Variants in DYM observed in about 807,000 individuals in gnomAD.
DYM encodes dymeclin.
A neutral mutation model predicts 93.1 loss-of-function variants in DYM; 78 were observed. The ratio of observed to expected loss-of-function variants is 0.84; its 90% CI spans 0.70 to 1.01. The LOEUF is 1.01. Among genes scored for constraint, DYM ranks in the 50% least tolerant of loss-of-function variants. The pLI is 0.00. For missense variants in DYM, 789 were observed against 845.0 expected, an observed-to-expected ratio of 0.93 and a Z score of 0.82; for synonymous variants, 321 against 319.7, an observed-to-expected ratio of 1.00 and a Z score of -0.04.
At chr18:49,391,760 G>T in intron 2 of DYM, 115 bp from the exon 3 acceptor site, 1 of 859,908 alleles carries the variant, frequency 1.2e-6, no homozygotes, top group Non-Finnish European at 1.8e-6. Context: ...AAAATATGGT[G>T]CACAGTAGTG....
chr18:49,069,793 A>G (rs993183666), intron 17 of DYM, among the ~76,000 whole-genome samples: 7 of 152,224 alleles, frequency 4.6e-5, no homozygotes, highest in Admixed American at 3.9e-4. Context: ...CTGTAATCCC[A>G]GCACTTTGGG....
intron 16 of DYM, 184 bp downstream of exon 16, chr18:49,118,560 G>GT (rs1343293900): frequency 4.9e-6 from 3 of 607,302 alleles, no homozygotes; most frequent in Non-Finnish European, 5.8e-6. Flanking sequence ...TATTAAATAT[G>GT]TATGTGTGTG....
rs139191287 is a variant in DYM at position 49,147,891 on chromosome 18, C to T, written c.1728+15794G>A. ...ACATGCTGCTATAAAGACACATGCA[C>T]GTGTATGTTTATTGCGGCACTATTC... On this transcript the variant is annotated intron_variant, in intron 15 of 17. Coordinates refer to ENST00000675505, the MANE Select transcript of DYM (RefSeq NM_001353214.3). Among the ~76,000 whole-genome samples the T allele has an allele frequency of 3.0e-3, 461 of 152,252 alleles. 3 individuals are homozygous for T. Among genetic ancestry groups the T allele is most frequent in the African/African-American group, 0.01 (423 of 41,522 alleles).
At chr18:49,158,653 G>C (rs1366629152) in intron 15 of DYM, among the ~76,000 whole-genome samples, 1 of 152,066 alleles carries the variant, frequency 6.6e-6, no homozygotes, top group Non-Finnish European at 1.5e-5. Context: ...GAGTTCAGTT[G>C]TATTAATTTT....
At chr18:49,402,764 C>T (rs1386224023) in intron 2 of DYM, among the ~76,000 whole-genome samples, 1 of 152,172 alleles carries the variant, frequency 6.6e-6, no homozygotes, top group African/African-American at 2.4e-5. Flanking sequence ...TCAGTTTAAC[C>T]ACTGCCATCA....
At chr18:49,107,702 C>T (rs1020313101) in intron 16 of DYM, among the ~76,000 whole-genome samples, 22 of 152,164 alleles carry the variant, frequency 1.4e-4, no homozygotes, top group Non-Finnish European at 2.4e-4. Context: ...GTATCAGCAG[C>T]GGAGGCTACA....
intron 1 of DYM, among the ~76,000 whole-genome samples, chr18:49,447,803 C>G (rs1188800060): frequency 6.6e-6 from 1 of 152,148 alleles, no homozygotes; most frequent in Non-Finnish European, 1.5e-5. Flanking sequence ...GGGAAGTAGT[C>G]TTGTTTGGTA....
At chr18:49,371,519 C>G (rs895981359) in intron 5 of DYM, among the ~76,000 whole-genome samples, 3 of 152,034 alleles carry the variant, frequency 2.0e-5, no homozygotes, top group African/African-American at 7.3e-5. Context: ...CACAAGGAAA[C>G]AAGCCATGAG....
intron 17 of DYM, among the ~76,000 whole-genome samples, chr18:49,067,958 G>A (rs893061904): frequency 2.0e-5 from 3 of 152,012 alleles, no homozygotes; most frequent in East Asian, 1.9e-4. Flanking sequence ...TTGCAAAGGC[G>A]TTTCATTAGT....
At chr18:49,285,812 A>T (rs2095109253) in intron 9 of DYM, among the ~76,000 whole-genome samples, 1 of 152,240 alleles carries the variant, frequency 6.6e-6, no homozygotes. Context: ...ACATGAAGCC[A>T]TATGCTCACC....
intron 17 of DYM, among the ~76,000 whole-genome samples, chr18:49,090,009 G>C (rs1429060492): frequency 6.6e-6 from 1 of 152,188 alleles, no homozygotes; most frequent in Non-Finnish European, 1.5e-5. Flanking sequence ...GCAAATGTGT[G>C]TGTGTGTGCA....
At chr18:49,413,456 T>C (rs1019344232) in intron 2 of DYM, among the ~76,000 whole-genome samples, 1 of 149,258 alleles carries the variant, frequency 6.7e-6, no homozygotes, top group Non-Finnish European at 1.5e-5. Flanking sequence ...AATTATATTA[T>C]CATTATATCA....
chr18:49,040,769 A>G lies in DYM; in HGVS notation c.*3286T>C, dbSNP rs2070880949. On this transcript the variant is annotated 3_prime_UTR_variant, in exon 18 of 18. Transcript: ENST00000675505. Reference sequence around the variant, plus strand: ...CCAAAAATTTATGGCTCTGCAAAAAAGCACAGGGTGACTCAATTATGCAGA... The same window carrying G: ...CCAAAAATTTATGGCTCTGCAAAAAGGCACAGGGTGACTCAATTATGCAGA... 6.6e-6 allele frequency among the ~76,000 whole-genome samples: 1 copy of G among 152,244 alleles called. No homozygotes were observed. Among genetic ancestry groups the G allele is most frequent in the Non-Finnish European group, 1.5e-5 (1 of 68,048 alleles).
At chr18:49,292,610 A>ACAAAACAAAAC (rs2060227080) in intron 8 of DYM, among the ~76,000 whole-genome samples, 1 of 104,228 alleles carries the variant, frequency 9.6e-6, no homozygotes, top group East Asian at 2.5e-4. Context: ...AAAAAAAAAA[A>ACAAAACAAAAC]AAAAAAAAAA....
chr18:49,243,871 A>G (rs1280157558), intron 13 of DYM, among the ~76,000 whole-genome samples: 1 of 152,114 alleles, frequency 6.6e-6, no homozygotes, highest in Non-Finnish European at 1.5e-5. Context: ...AAGTTATGAC[A>G]GAGTTGTATA....
chr18:49,200,417 C>T (rs2091896167), intron 14 of DYM, among the ~76,000 whole-genome samples: 1 of 151,570 alleles, frequency 6.6e-6, no homozygotes, highest in Admixed American at 6.6e-5. Flanking sequence ...TTTCATTAAA[C>T]ATTATATCAA....
At chr18:49,238,354 A>T (rs971768659) in intron 13 of DYM, among the ~76,000 whole-genome samples, 2 of 152,156 alleles carry the variant, frequency 1.3e-5, no homozygotes, top group Non-Finnish European at 2.9e-5. Flanking sequence ...CATCATCTTT[A>T]GGCAAATTGG....
At chr18:49,422,872 T>A (rs1462999050) in intron 2 of DYM, among the ~76,000 whole-genome samples, 1 of 152,114 alleles carries the variant, frequency 6.6e-6, no homozygotes, top group South Asian at 2.1e-4. Flanking sequence ...ATGCACCCAA[T>A]ACAGGAGCAC....
chr18:49,301,322 C>T (rs1252096129), intron 8 of DYM, among the ~76,000 whole-genome samples: 2 of 152,050 alleles, frequency 1.3e-5, no homozygotes, highest in African/African-American at 4.8e-5. Context: ...AGATCGAGAC[C>T]ATCCTGGCCA....
Sources: gnomAD v4.1 joint callset for allele counts (sites outside exome capture counted in the v4.1 genomes callset) on GRCh38, gnomAD v4.1.1 for gene constraint, MANE v1.5 for transcripts, NCBI Gene and HGNC (gene_info 2026-07-23, HGNC 2026-07-21) for gene names.